FREM2: variants seen among roughly 807,000 people sequenced by gnomAD.
FREM2 encodes FRAS1-related extracellular matrix protein 2.
FREM2 carries 119 observed loss-of-function variants against 219.9 expected under a neutral mutation model. The observed-to-expected ratio is 0.54, with a 90% CI of 0.47 to 0.63. The LOEUF (loss-of-function observed/expected upper bound fraction) is 0.63, where lower values mean the gene tolerates loss of function less well. Ranked by LOEUF, FREM2 falls within the 30% of genes least tolerant of loss-of-function variation. The probability of loss-of-function intolerance (pLI) is 0.00; values close to 1 mark genes in which losing one functional copy is unlikely to be tolerated. For missense variants in FREM2, 4,030 were observed against 3,993.6 expected (o/e 1.01, Z -0.25); for synonymous variants, 1,562 against 1,522.8 (o/e 1.03, Z -0.60).
At chr13:38,770,645 G>A (rs1873624303) in intron 4 of FREM2, among the ~76,000 whole-genome samples, 2 of 151,988 alleles carry the variant, frequency 1.3e-5, no homozygotes, top group South Asian at 4.2e-4. Context: ...CACATTTGTG[G>A]CATAATACCC....
chr13:38,732,139 A>G (rs1871791237), intron 2 of FREM2, among the ~76,000 whole-genome samples: 1 of 152,240 alleles, frequency 6.6e-6, no homozygotes, highest in South Asian at 2.1e-4. Flanking sequence ...CATAATGTCT[A>G]AGCTTCATTA....
chr13:38,735,383 G>A (rs2496453), intron 2 of FREM2, among the ~76,000 whole-genome samples: 119,961 of 152,084 alleles, frequency 0.79, 47,628 homozygotes, highest in African/African-American at 0.87. Context: ...ATGCACAGCC[G>A]GTAATGTCTA....
chr13:38,773,637 C>T (rs1397641194), intron 4 of FREM2, among the ~76,000 whole-genome samples: 1 of 151,940 alleles, frequency 6.6e-6, no homozygotes, highest in Non-Finnish European at 1.5e-5. Context: ...TACTATGTTG[C>T]CCAGGCTGGT....
At chr13:38,796,792 G>A (rs1874806544) in intron 6 of FREM2, among the ~76,000 whole-genome samples, 1 of 152,094 alleles carries the variant, frequency 6.6e-6, no homozygotes, top group African/African-American at 2.4e-5. Context: ...CTAGTGCTAG[G>A]ATTGCTGGAT....
At chr13:38,777,908 T>C (rs1471376370) in intron 4 of FREM2, among the ~76,000 whole-genome samples, 2 of 152,188 alleles carry the variant, frequency 1.3e-5, no homozygotes. Flanking sequence ...AGATTGACTG[T>C]AGGAGTGAAT....
chr13:38,798,422 T>G (rs1279950721), intron 6 of FREM2, among the ~76,000 whole-genome samples: 1 of 152,074 alleles, frequency 6.6e-6, no homozygotes, highest in Non-Finnish European at 1.5e-5. Flanking sequence ...GCCTATAGTT[T>G]TGTTGTTATT....
At chr13:38,791,211 G>A (rs1008815266) in intron 6 of FREM2, among the ~76,000 whole-genome samples, 32 of 152,140 alleles carry the variant, frequency 2.1e-4, no homozygotes, top group African/African-American at 7.7e-4. Flanking sequence ...TTAATATAAA[G>A]CATCTGAAAA....
In FREM2 at chr13:38,689,812, A is replaced by G; in HGVS notation, c.2468A>G (p.His823Arg). ...CCAGGTACCTTTACCCTTTACTTGC[A>G]TCCCGTGGACAACCAGCCACCTGAG... is the stretch of plus-strand genomic sequence containing the variant. Reference protein sequence around the residue: ...VAPGTFTLYLHPVDNQPPEIL... With the variant: ...VAPGTFTLYLRPVDNQPPEIL... Residue 823 changes from histidine to arginine, a missense_variant, in exon 1 of 24, where the codon CAT becomes CGT. This residue lies in a region of FREM2 where 3,102 missense variants were observed against 2,950.7 expected (regional missense o/e 1.05). Transcript: ENST00000280481. 6.2e-7 allele frequency: 1 copy of G among 1,614,038 alleles called. No homozygotes were observed. The highest frequency in any genetic ancestry group is 8.5e-7 in the Non-Finnish European group (1 of 1,179,978).
intron 6 of FREM2, among the ~76,000 whole-genome samples, chr13:38,815,949 G>GCAACAT (rs1875747871): frequency 6.6e-6 from 1 of 152,062 alleles, no homozygotes; most frequent in African/African-American, 2.4e-5. Flanking sequence ...GAGATTTGGT[G>GCAACAT]GGGACAAACA....
At chr13:38,837,894 G>A (rs1043309192) in intron 6 of FREM2, among the ~76,000 whole-genome samples, 2 of 151,968 alleles carry the variant, frequency 1.3e-5, no homozygotes, top group Non-Finnish European at 2.9e-5. Flanking sequence ...GCACACCGAT[G>A]GGTCTTGACT....
intron 6 of FREM2, among the ~76,000 whole-genome samples, chr13:38,807,524 A>G (rs1593419719): frequency 1.3e-5 from 2 of 151,762 alleles, no homozygotes; most frequent in Non-Finnish European, 2.9e-5. Context: ...AAATGATAAG[A>G]CTTCAAAGTT....
At position 38,691,116 on chromosome 13, in the gene FREM2, A is replaced by T; in HGVS notation, c.3772A>T (p.Ile1258Leu). ...CGAAAGCTTCACCTTGGATCAGATC[A>T]TAGAGAGTTCCAGCATTATTTATGA... is the stretch of plus-strand genomic sequence containing the variant. ...LVESFTLDQI[I>L]ESSSIIYEHD... Residue 1258 changes from isoleucine (I) to leucine (L), a missense_variant, in exon 1 of 24, where the codon ATA (isoleucine) becomes TTA (leucine). Ile to Leu is a conservative substitution (Grantham distance 5, BLOSUM62 2). Transcript: ENST00000280481. 1 of 1,614,160 alleles carries T rather than the reference A, an allele frequency of 6.2e-7. No homozygotes were observed. Among genetic ancestry groups the T allele is most frequent in the Non-Finnish European group, 8.5e-7 (1 of 1,180,028 alleles).
intron 6 of FREM2, among the ~76,000 whole-genome samples, chr13:38,787,429 T>A (rs908288146): frequency 6.6e-6 from 1 of 152,066 alleles, no homozygotes; most frequent in African/African-American, 2.4e-5. Context: ...CAGCCTCATA[T>A]CTCTTCCTAC....
intron 2 of FREM2, among the ~76,000 whole-genome samples, chr13:38,761,028 A>G (rs1053090087): frequency 6.6e-6 from 1 of 152,184 alleles, no homozygotes; most frequent in Non-Finnish European, 1.5e-5. Context: ...ATTTTCTGGA[A>G]TATCTCAGGA....
At position 38,864,304 on chromosome 13, in the gene FREM2, C is replaced by A; in HGVS notation, c.7681C>A (p.Leu2561Ile). Residue 2561 changes from leucine (L) to isoleucine (I), a missense_variant, in exon 16 of 24, where the codon CTT becomes ATT. This residue lies in a region of FREM2 where 928 missense variants were observed against 1,042.9 expected (regional missense o/e 0.89). Coordinates refer to ENST00000280481, the MANE Select transcript of FREM2 (RefSeq NM_207361.6). ...GCTCCCCGTGATCTCCACTAGAGAG[C>A]TTTCCAACTTTGAGCTCACCCTCAG... ...GMLPVISTRE[L>I]SNFELTLSPD... The A allele has an allele frequency of 6.2e-7, 1 of 1,614,152 alleles. No homozygotes were observed. Among genetic ancestry groups the A allele is most frequent in the Non-Finnish European group, 8.5e-7 (1 of 1,179,956 alleles).
At chr13:38,754,901 G>GATGATGATGATGATGATTATTATT (rs56270131) in intron 2 of FREM2, among the ~76,000 whole-genome samples, 1 of 128,648 alleles carries the variant, frequency 7.8e-6, no homozygotes, top group Non-Finnish European at 1.6e-5. Context: ...TGATGATGAT[G>GATGATGATGATGATGATTATTATT]ATTATTATTA....
intron 6 of FREM2, among the ~76,000 whole-genome samples, chr13:38,825,630 A>G (rs1444030299): frequency 1.3e-5 from 2 of 152,106 alleles, no homozygotes; most frequent in South Asian, 2.1e-4. Flanking sequence ...AGCTATTAGA[A>G]TGAAAATGCT....
chr13:38,771,350 T>C (rs1873653487), intron 4 of FREM2, among the ~76,000 whole-genome samples: 1 of 152,206 alleles, frequency 6.6e-6, no homozygotes, highest in South Asian at 2.1e-4. Flanking sequence ...AGGACAGCTT[T>C]AATACATATA....
chr13:38,859,752 C>G lies in FREM2; in HGVS notation c.7519+162C>G, dbSNP rs1877696964. 2.6e-5 allele frequency among the ~76,000 whole-genome samples: 4 copies of G among 152,190 alleles called. No individual in the cohort carries two copies. The South Asian group carries it at 8.3e-4, about 32-fold the overall frequency. The stretch of plus-strand genomic sequence containing the variant: ...TTTTACAAAATTATGTATTAGAAAA[C>G]AAAATATTTATTCATTCTACCTTTA... On this transcript the variant is annotated intron_variant, in intron 14 of 23. Coordinates refer to ENST00000280481, the MANE Select transcript of FREM2 (RefSeq NM_207361.6).
Sources: gnomAD v4.1 joint callset for allele counts (sites outside exome capture counted in the v4.1 genomes callset) on GRCh38, gnomAD v4.1.1 for gene constraint, gnomAD v4.1.1 regional missense constraint, MANE v1.5 for transcripts, NCBI Gene and HGNC (gene_info 2026-07-23, HGNC 2026-07-21) for gene names.